The following KIAA1671 variants were observed in gnomAD, a reference collection of about 807,000 sequenced individuals.
KIAA1671 encodes uncharacterized protein KIAA1671.
A neutral mutation model predicts 131.2 loss-of-function variants in KIAA1671; 52 were observed. That is an observed-to-expected ratio of 0.40 (90% confidence interval 0.32 to 0.50). The LOEUF is 0.50. KIAA1671 is among the 20% of genes least tolerant of loss of function. The pLI is 0.73. For synonymous variants in KIAA1671, 1,003 were observed against 961.6 expected (o/e 1.04, Z -0.80); for missense variants, 2,360 against 2,364.2 (o/e 1.00, Z 0.04).
intron 7 of KIAA1671, among the ~76,000 whole-genome samples, chr22:25,171,575 TGTG>T (rs891552907): frequency 6.6e-6 from 1 of 151,674 alleles, no homozygotes; most frequent in African/African-American, 2.4e-5. Context: ...ATTAGCTGGG[TGTG>T]GTGGTGGGCA....
intron 1 of KIAA1671, among the ~76,000 whole-genome samples, chr22:24,974,347 A>G (rs1056244495): frequency 6.6e-6 from 1 of 152,154 alleles, no homozygotes; most frequent in Non-Finnish European, 1.5e-5. Context: ...CCATTAGGAC[A>G]TGCCAGGTAC....
chr22:25,076,731 A>G (rs1929128192), intron 6 of KIAA1671, among the ~76,000 whole-genome samples: 1 of 152,238 alleles, frequency 6.6e-6, no homozygotes, highest in South Asian at 2.1e-4. Context: ...GGGGTTATCA[A>G]TTACAGCAGT....
At chr22:24,979,170 ATTTTTTTTTTT>A (rs71191010) in intron 1 of KIAA1671, among the ~76,000 whole-genome samples, 1 of 81,718 alleles carries the variant, frequency 1.2e-5, no homozygotes, top group East Asian at 3.8e-4. Context: ...TAATTTTTGT[ATTTTTTTTTTT>A]TTTTTTTTTT....
intron 6 of KIAA1671, chr22:25,111,973 C>T: frequency 5.5e-6 from 2 of 365,364 alleles, no homozygotes; most frequent in Non-Finnish European, 4.9e-6. Context: ...CTGAGCGGCA[C>T]CCGTGGATGC....
intron 6 of KIAA1671, among the ~76,000 whole-genome samples, chr22:25,080,556 T>A (rs970906601): frequency 6.6e-6 from 1 of 152,196 alleles, no homozygotes; most frequent in Admixed American, 6.5e-5. Context: ...TTATTTATTT[T>A]TATTTTTTTA....
intron 9 of KIAA1671, among the ~76,000 whole-genome samples, chr22:25,181,013 G>A (rs900342477): frequency 4.6e-5 from 7 of 152,144 alleles, no homozygotes; most frequent in East Asian, 3.9e-4. Context: ...TTTTCTTAGC[G>A]TACCTCAGTT....
intron 6 of KIAA1671, among the ~76,000 whole-genome samples, chr22:25,158,048 C>T (rs909286194): frequency 1.3e-5 from 2 of 152,144 alleles, no homozygotes; most frequent in African/African-American, 4.8e-5. Flanking sequence ...GTCTTGATCT[C>T]CTGACCTTGT....
intron 1 of KIAA1671, among the ~76,000 whole-genome samples, chr22:25,020,430 C>T (rs1367882236): frequency 4.6e-5 from 7 of 152,218 alleles, no homozygotes; most frequent in Admixed American, 3.9e-4. Flanking sequence ...CATTTTCCCA[C>T]ACTCACGTCT....
chr22:25,022,230 A>G (rs1446197972), intron 1 of KIAA1671, among the ~76,000 whole-genome samples: 4 of 152,372 alleles, frequency 2.6e-5, no homozygotes, highest in Non-Finnish European at 4.4e-5. Flanking sequence ...AGACGACTGA[A>G]TAAATGACTG....
intron 6 of KIAA1671, among the ~76,000 whole-genome samples, chr22:25,083,014 C>T (rs937279243): frequency 2.0e-5 from 3 of 152,124 alleles, no homozygotes; most frequent in African/African-American, 4.8e-5. Flanking sequence ...GTAATAATAT[C>T]GTAATCAGAG....
chr22:25,134,001 C>A (rs1450188786), intron 6 of KIAA1671, among the ~76,000 whole-genome samples: 1 of 152,140 alleles, frequency 6.6e-6, no homozygotes, highest in East Asian at 1.9e-4. Context: ...GGTACAGGAC[C>A]CCCTTTATTT....
rs543036618 is a variant in KIAA1671 at position 25,135,568 on chromosome 22, C to T, written c.4531-35252C>T. Among the ~76,000 whole-genome samples, 246 of 152,274 alleles carry T rather than the reference C, an allele frequency of 1.6e-3. 1 individual carries two copies. Among genetic ancestry groups the T allele is most frequent in the Middle Eastern group, 0.014 (4 of 294 alleles). Reference sequence around the variant, plus strand: ...GTGTTCACAGTTTTGAAATTTCCTTCCCACTCTCGAAGTCTAAAGAATTGA... The same window carrying T: ...GTGTTCACAGTTTTGAAATTTCCTTTCCACTCTCGAAGTCTAAAGAATTGA... On this transcript the variant is annotated intron_variant, in intron 6 of 12. Transcript: ENST00000358431.
intron 6 of KIAA1671, among the ~76,000 whole-genome samples, chr22:25,079,665 A>G (rs894241913): frequency 6.6e-6 from 1 of 152,196 alleles, no homozygotes; most frequent in Non-Finnish European, 1.5e-5. Context: ...ACATTTGCAG[A>G]ACAGGAGGGA....
intron 9 of KIAA1671, among the ~76,000 whole-genome samples, chr22:25,180,717 G>A (rs1055998751): frequency 6.6e-6 from 1 of 152,184 alleles, no homozygotes; most frequent in Non-Finnish European, 1.5e-5. Flanking sequence ...TGAGTGAGGG[G>A]CATTGCTTCT....
chr22:25,000,483 G>A (rs1369009936), intron 1 of KIAA1671, among the ~76,000 whole-genome samples: 1 of 64,416 alleles, frequency 1.6e-5, no homozygotes, highest in Non-Finnish European at 3.5e-5. Context: ...GTGAGCCACC[G>A]CGCCCGGCCT....
chr22:24,965,320 C>T (rs908642982), intron 1 of KIAA1671, among the ~76,000 whole-genome samples: 5 of 150,616 alleles, frequency 3.3e-5, no homozygotes, highest in African/African-American at 9.8e-5. Flanking sequence ...GAGGTTGAAG[C>T]GAGAAAATCG....
intron 10 of KIAA1671, among the ~76,000 whole-genome samples, 171 bp downstream of exon 10, chr22:25,181,994 G>A (rs1934295255): frequency 6.6e-6 from 1 of 152,092 alleles, no homozygotes; most frequent in Admixed American, 6.5e-5. Flanking sequence ...TGGATAACAT[G>A]GTGAAACCCC....
At chr22:25,140,678 G>A (rs947014553) in intron 6 of KIAA1671, among the ~76,000 whole-genome samples, 3 of 152,230 alleles carry the variant, frequency 2.0e-5, no homozygotes, top group Non-Finnish European at 2.9e-5. Context: ...GCAGTGAGCC[G>A]TGAGGGTCGA....
intron 6 of KIAA1671, among the ~76,000 whole-genome samples, chr22:25,125,691 A>G (rs1932147830): frequency 6.6e-6 from 1 of 152,162 alleles, no homozygotes; most frequent in African/African-American, 2.4e-5. Context: ...TCCCATCCCC[A>G]GTTGTGATGC....
Sources: allele counts gnomAD v4.1 joint callset (sites outside exome capture counted in the v4.1 genomes callset), GRCh38; gene constraint gnomAD v4.1.1; transcripts MANE v1.5; gene names NCBI Gene and HGNC (gene_info 2026-07-23, HGNC 2026-07-21).